Variants in NAALADL2 observed in about 807,000 individuals in gnomAD.
NAALADL2 encodes the protein inactive N-acetylated-alpha-linked acidic dipeptidase-like protein 2.
NAALADL2 carries 76 observed loss-of-function variants against 87.2 expected under a neutral mutation model. That is an observed-to-expected ratio of 0.87 (90% CI 0.72 to 1.05). The LOEUF (loss-of-function observed/expected upper bound fraction) is 1.05, where lower values mean the gene tolerates loss of function less well. Among genes scored for constraint, NAALADL2 ranks in the 50% least tolerant of loss-of-function variants. NAALADL2 has a pLI of 0.00. For synonymous variants in NAALADL2, 354 were observed against 331.0 expected (o/e 1.07, Z -0.75); for missense variants, 1,089 against 945.8 (o/e 1.15, Z -1.99).
At chr3:174,501,420 A>G (rs1437763211) in intron 1 of NAALADL2, among the ~76,000 whole-genome samples, 1 of 152,152 alleles carries the variant, frequency 6.6e-6, no homozygotes, top group Non-Finnish European at 1.5e-5. Flanking sequence ...AATGCTGGCC[A>G]CATAGAATGT....
intron 3 of NAALADL2, among the ~76,000 whole-genome samples, chr3:174,747,862 G>A (rs1734417952): frequency 6.6e-6 from 1 of 152,064 alleles, no homozygotes; most frequent in Non-Finnish European, 1.5e-5. Flanking sequence ...ACATGCATGT[G>A]CATGTTCATT....
chr3:175,237,251 T>G (rs1438041656), intron 3 of NAALADL2, among the ~76,000 whole-genome samples: 1 of 152,156 alleles, frequency 6.6e-6, no homozygotes, highest in Non-Finnish European at 1.5e-5. Flanking sequence ...AAGCAGCCAC[T>G]GATTGATTAG....
At chr3:175,742,542 C>T (rs913039963) in intron 12 of NAALADL2, among the ~76,000 whole-genome samples, 7 of 152,038 alleles carry the variant, frequency 4.6e-5, no homozygotes, top group South Asian at 2.1e-4. Flanking sequence ...GGACTACAGG[C>T]GCCCACCACC....
intron 1 of NAALADL2, among the ~76,000 whole-genome samples, chr3:174,467,500 GGA>G (rs1716608268): frequency 6.7e-6 from 1 of 149,486 alleles, no homozygotes; most frequent in East Asian, 2.0e-4. Context: ...AGCTGAACCA[GGA>G]GAATTGCTTG....
chr3:174,544,404 A>AT (rs1284994628), intron 1 of NAALADL2, among the ~76,000 whole-genome samples: 1 of 151,746 alleles, frequency 6.6e-6, no homozygotes, highest in East Asian at 1.9e-4. Flanking sequence ...AAAACATATG[A>AT]TTTTTTTTCT....
At chr3:174,735,491 T>G (rs2108994514) in intron 2 of NAALADL2, among the ~76,000 whole-genome samples, 1 of 152,320 alleles carries the variant, frequency 6.6e-6, no homozygotes, top group African/African-American at 2.4e-5. Context: ...TCTTCCTTTG[T>G]TTAATCCTTT....
At chr3:175,748,169 A>G (rs912890645) in intron 12 of NAALADL2, among the ~76,000 whole-genome samples, 5 of 152,144 alleles carry the variant, frequency 3.3e-5, no homozygotes, top group Admixed American at 6.5e-5. Context: ...TATCAAATCA[A>G]TGTTAGATTA....
chr3:175,745,295 T>C (rs2150108467), intron 12 of NAALADL2, among the ~76,000 whole-genome samples: 1 of 152,308 alleles, frequency 6.6e-6, no homozygotes, highest in Admixed American at 6.5e-5. Flanking sequence ...GAATATTTAT[T>C]TGTGGTATAT....
At chr3:175,204,743 A>G (rs1740569148) in intron 2 of NAALADL2, among the ~76,000 whole-genome samples, 1 of 152,158 alleles carries the variant, frequency 6.6e-6, no homozygotes, top group African/African-American at 2.4e-5. Context: ...GAATTCAGCA[A>G]ATTTTCCAAA....
At chr3:175,720,413 A>G (rs1011306582) in intron 11 of NAALADL2, among the ~76,000 whole-genome samples, 2 of 152,090 alleles carry the variant, frequency 1.3e-5, no homozygotes, top group African/African-American at 4.8e-5. Context: ...TATTTGTTGA[A>G]GTGAAAAATA....
intron 2 of NAALADL2, among the ~76,000 whole-genome samples, chr3:174,647,517 A>G (rs969611219): frequency 3.9e-5 from 6 of 152,200 alleles, no homozygotes; most frequent in African/African-American, 1.2e-4. Flanking sequence ...ACAATCTCAA[A>G]TTCTAAATTT....
chr3:174,614,084 G>A (rs773764592), intron 2 of NAALADL2, among the ~76,000 whole-genome samples: 8 of 152,052 alleles, frequency 5.3e-5, no homozygotes, highest in African/African-American at 1.4e-4. Context: ...CTTCACTTTC[G>A]CTTTCCTCTC....
chr3:175,548,469 G>C (rs1427394856), intron 9 of NAALADL2, among the ~76,000 whole-genome samples: 1 of 151,902 alleles, frequency 6.6e-6, no homozygotes, highest in Non-Finnish European at 1.5e-5. Flanking sequence ...TTAATACCTG[G>C]GTGAAAAATA....
chr3:174,904,835 A>G (rs557241382), intron 1 of NAALADL2, among the ~76,000 whole-genome samples: 88 of 150,890 alleles, frequency 5.8e-4, no homozygotes, highest in Admixed American at 2.1e-3. Flanking sequence ...GTATGTTTTC[A>G]TGTGTATTTG....
chr3:174,705,591 T>C (rs1729978658), intron 2 of NAALADL2, among the ~76,000 whole-genome samples: 1 of 152,176 alleles, frequency 6.6e-6, no homozygotes, highest in East Asian at 1.9e-4. Flanking sequence ...GAGACCATCC[T>C]GGCTAACACG....
At chr3:174,768,458 C>T (rs1714129956) in intron 3 of NAALADL2, among the ~76,000 whole-genome samples, 1 of 152,034 alleles carries the variant, frequency 6.6e-6, no homozygotes, top group African/African-American at 2.4e-5. Flanking sequence ...AAATTTTAGT[C>T]CATAATGTAG....
chr3:174,906,052 C>T (rs1372545858), intron 1 of NAALADL2, among the ~76,000 whole-genome samples: 1 of 152,052 alleles, frequency 6.6e-6, no homozygotes, highest in Non-Finnish European at 1.5e-5. Context: ...ACCTCATTCA[C>T]AGTTTAATAC....
chr3:175,618,966 C>G (rs1259699514), intron 10 of NAALADL2, among the ~76,000 whole-genome samples: 3 of 152,150 alleles, frequency 2.0e-5, no homozygotes, highest in African/African-American at 7.2e-5. Flanking sequence ...GTGCCCTAGC[C>G]TTCTACTGTT....
chr3:175,731,000 AG>A (rs1184433584), intron 11 of NAALADL2, among the ~76,000 whole-genome samples: 6 of 152,312 alleles, frequency 3.9e-5, no homozygotes, highest in African/African-American at 1.4e-4. Flanking sequence ...CAAGAAACAT[AG>A]GTTTTTGTAT....
Sources: gnomAD v4.1 joint callset for allele counts (sites outside exome capture counted in the v4.1 genomes callset) on GRCh38, gnomAD v4.1.1 for gene constraint, MANE v1.5 for transcripts, NCBI Gene and HGNC (gene_info 2026-07-23, HGNC 2026-07-21) for gene names.